Variants in PRKCZ observed in about 807,000 individuals in gnomAD.
PRKCZ encodes protein kinase C zeta, also known as protein kinase C zeta type.
A neutral mutation model predicts 79.5 loss-of-function variants in PRKCZ; 33 were observed. The observed-to-expected ratio is 0.41, with a 90% CI of 0.31 to 0.55. PRKCZ has a LOEUF of 0.55. Among genes scored for constraint, PRKCZ ranks in the 20% least tolerant of loss-of-function variants. PRKCZ has a pLI of 0.19. For missense variants in PRKCZ, 578 were observed against 813.5 expected, an observed-to-expected ratio of 0.71 and a Z score of 3.52; for synonymous variants, 342 against 320.9, an observed-to-expected ratio of 1.07 and a Z score of -0.70.
intron 1 of PRKCZ, among the ~76,000 whole-genome samples, chr1:2,053,009 C>G (rs552210965): frequency 4.6e-5 from 7 of 152,158 alleles, no homozygotes; most frequent in African/African-American, 1.2e-4. Context: ...CCTGTGTTTT[C>G]AGGGAGTCCC....
intron 4 of PRKCZ, among the ~76,000 whole-genome samples, chr1:2,077,491 C>A (rs1662660925): frequency 6.6e-6 from 1 of 152,212 alleles, no homozygotes; most frequent in African/African-American, 2.4e-5. Context: ...CAAGTGTAGA[C>A]AGGCCAGGCC....
chr1:2,049,589 G>C (rs1222490333), upstream of PRKCZ: 1 of 152,626 alleles, frequency 6.6e-6, no homozygotes. Context: ...ACTGGGTCTG[G>C]GTGTCCACCT....
chr1:2,118,499 A>G (rs1557604035), intron 4 of PRKCZ, among the ~76,000 whole-genome samples: 2 of 151,468 alleles, frequency 1.3e-5, no homozygotes, highest in Admixed American at 6.6e-5. Flanking sequence ...CACCGCGCCT[A>G]GCTAATTTTT....
At chr1:2,070,774 G>A (rs1661503713) in intron 4 of PRKCZ, among the ~76,000 whole-genome samples, 1 of 151,490 alleles carries the variant, frequency 6.6e-6, no homozygotes, top group South Asian at 2.1e-4. Flanking sequence ...GCAGGGGCTG[G>A]GGTGGGGCTG....
At position 2,055,300 on chromosome 1, in the gene PRKCZ, G is replaced by C. The variant is rs918968978; in HGVS notation, c.72-141G>C. On this transcript the variant is annotated intron_variant, in intron 1 of 17. Transcript: ENST00000378567. The stretch of plus-strand genomic sequence containing the variant: ...AATGGTTCTATTTTGTGTGTGGGAG[G>C]GGGGAGGGGGTGGGGCTGTCATATT... 5.8e-6 allele frequency: 6 copies of C among 1,038,772 alleles called. No individual in the cohort carries two copies. In the East Asian group the frequency reaches 1.1e-4, roughly 19 times the overall value. The allele number at this position is 1,038,772 out of a possible 1,614,324, so 64.3% of individuals were successfully genotyped here. A position where few individuals can be genotyped will look rare whatever the true frequency, so the allele number is the denominator to read the frequency against.
At chr1:2,052,456 T>G (rs1659765205) in intron 1 of PRKCZ, among the ~76,000 whole-genome samples, 1 of 149,944 alleles carries the variant, frequency 6.7e-6, no homozygotes, top group Admixed American at 6.6e-5. Context: ...CCCTGTTGTT[T>G]TCCCTCCTCT....
At chr1:2,163,638 C>T (rs1682750823) in intron 10 of PRKCZ, among the ~76,000 whole-genome samples, 1 of 152,124 alleles carries the variant, frequency 6.6e-6, no homozygotes. Context: ...CGCCTGTAAT[C>T]CCAGCACTCT....
chr1:2,121,731 C>G (rs796575633), intron 4 of PRKCZ, among the ~76,000 whole-genome samples: 197 of 782 alleles, frequency 0.25, 25 homozygotes, highest in African/African-American at 0.4. Flanking sequence ...CACGGCGGTA[C>G]TTAGGGTCAC....
At chr1:2,179,803 C>T (rs1274421630) in intron 16 of PRKCZ, among the ~76,000 whole-genome samples, 2 of 152,084 alleles carry the variant, frequency 1.3e-5, no homozygotes, top group Admixed American at 1.3e-4. Flanking sequence ...GTGGTGGGAG[C>T]CTCAGGACTT....
In PRKCZ at chr1:2,173,687, G is replaced by A. The variant is rs557369153; in HGVS notation, c.1286-210G>A. Among the ~76,000 whole-genome samples the A allele has an allele frequency of 2.9e-4, 44 of 152,328 alleles. No individual in the cohort carries two copies. Among genetic ancestry groups the A allele is most frequent in the Non-Finnish European group, 5.9e-4 (40 of 68,024 alleles). On this transcript the variant is annotated intron_variant, in intron 13 of 17. Transcript: ENST00000378567. The surrounding 1 kb of genome is among the most constrained non-coding windows in gnomAD (Gnocchi z 5.7). ...CCCAGAGGCAGCCTGGGAGACCTCCGTAGTGTCAGGGACGGTGGCAGGGAG... is the reference window on the plus strand; with the variant it reads ...CCCAGAGGCAGCCTGGGAGACCTCCATAGTGTCAGGGACGGTGGCAGGGAG...
At chr1:2,109,470 C>G (rs1054216370) in intron 4 of PRKCZ, among the ~76,000 whole-genome samples, 1 of 152,222 alleles carries the variant, frequency 6.6e-6, no homozygotes, top group Non-Finnish European at 1.5e-5. Context: ...GTCCTGAGAT[C>G]AGGTGTGGTC....
At chr1:2,162,105 G>A (rs541163277) in intron 10 of PRKCZ, among the ~76,000 whole-genome samples, 2 of 152,236 alleles carry the variant, frequency 1.3e-5, no homozygotes, top group African/African-American at 4.8e-5. Context: ...CAACCCGTCT[G>A]CCTCCAGAAA....
chr1:2,121,994 G>A (rs181328517), intron 4 of PRKCZ, among the ~76,000 whole-genome samples: 2 of 9,100 alleles, frequency 2.2e-4, no homozygotes, highest in African/African-American at 1.7e-3. Flanking sequence ...TCACGGCGGT[G>A]GTTAGGGTCA....
intron 2 of PRKCZ, among the ~76,000 whole-genome samples, chr1:2,056,275 G>C (rs1394599949): frequency 7.9e-5 from 12 of 152,196 alleles, no homozygotes. Flanking sequence ...TTCCCTTCCG[G>C]GGTGGCTCTG....
chr1:2,185,317 A>G lies in PRKCZ; in HGVS notation c.*308A>G. 2.8e-6 allele frequency: 2 copies of G among 718,698 alleles called. No homozygotes were observed. Among genetic ancestry groups the G allele is most frequent in the Non-Finnish European group, 5.2e-6 (2 of 385,088 alleles). The allele number at this position is 718,698 out of a possible 1,614,324, so 44.5% of individuals were successfully genotyped here. On this transcript the variant is annotated 3_prime_UTR_variant, in exon 18 of 18. Coordinates refer to ENST00000378567, the MANE Select transcript of PRKCZ (RefSeq NM_002744.6). ...AGGTGCACATTTTCCACGGAAACAGAACTCGATGCACTGACCTGCTCCGCC... is the reference window on the plus strand; with the variant it reads ...AGGTGCACATTTTCCACGGAAACAGGACTCGATGCACTGACCTGCTCCGCC...
intron 4 of PRKCZ, among the ~76,000 whole-genome samples, chr1:2,121,799 G>T (rs61775453): frequency 1.0e-4 from 3 of 29,354 alleles, no homozygotes; most frequent in African/African-American, 2.3e-4. Context: ...GGGTCACGGC[G>T]GTGGTTAGGG....
In PRKCZ at chr1:2,173,503, G is replaced by A. The variant is rs1571999418; in HGVS notation, c.1286-394G>A. Reference sequence around the variant, plus strand: ...TTGAACCTTTTTAAAAAACAAAATGGCTGTAGAAGGAAACACAGGAGAGTA... The same window carrying A: ...TTGAACCTTTTTAAAAAACAAAATGACTGTAGAAGGAAACACAGGAGAGTA... On this transcript the variant is annotated intron_variant, in intron 13 of 17. Coordinates refer to ENST00000378567, the MANE Select transcript of PRKCZ (RefSeq NM_002744.6). The surrounding 1 kb of genome is among the most constrained non-coding windows in gnomAD (Gnocchi z 5.7). Among the ~76,000 whole-genome samples, 1 of 152,198 alleles carries A rather than the reference G, an allele frequency of 6.6e-6. No individual in the cohort carries two copies. The highest frequency in any genetic ancestry group is 2.4e-5 in the African/African-American group (1 of 41,446).
intron 4 of PRKCZ, chr1:2,073,929 G>A (rs1166417247): frequency 9.8e-6 from 13 of 1,325,512 alleles, no homozygotes; most frequent in South Asian, 1.7e-5. Flanking sequence ...GAAGAAAGCC[G>A]GTGAGTCGGG....
chr1:2,124,411 G>A (rs74747369), intron 4 of PRKCZ, among the ~76,000 whole-genome samples: 1,895 of 79,324 alleles, frequency 0.024, 533 homozygotes, highest in African/African-American at 0.055. Flanking sequence ...TCACGGTGGT[G>A]GTTAGGGTCA....
Sources: gnomAD v4.1 joint callset for allele counts (sites outside exome capture counted in the v4.1 genomes callset) on GRCh38, gnomAD v4.1.1 for gene constraint, Gnocchi (gnomAD v3.1) non-coding constraint, MANE v1.5 for transcripts, NCBI Gene and HGNC (gene_info 2026-07-23, HGNC 2026-07-21) for gene names.